Variants in ZNF680 observed in about 807,000 individuals in gnomAD.
ZNF680 encodes hypothetical protein FLJ90430.
A neutral mutation model predicts 12.1 loss-of-function variants in ZNF680; 6 were observed. The observed-to-expected ratio is 0.49, with a 90% CI of 0.27 to 0.98. The LOEUF (loss-of-function observed/expected upper bound fraction) is 0.98. Ranked by LOEUF, ZNF680 falls within the 50% of genes least tolerant of loss-of-function variation. The probability of loss-of-function intolerance (pLI) is 0.12; values close to 1 mark genes in which losing one functional copy is unlikely to be tolerated. For synonymous variants in ZNF680, 170 were observed against 199.3 expected, an observed-to-expected ratio of 0.85 and a Z score of 1.24; for missense variants, 561 against 616.3, an observed-to-expected ratio of 0.91 and a Z score of 0.95.
Position 64,521,387 on chromosome 7 carries a change from T to C in ZNF680, c.1367A>G (p.His456Arg). 6.2e-7 allele frequency: 1 copy of C among 1,613,720 alleles called. No homozygotes were observed. Among genetic ancestry groups the C allele is most frequent in the South Asian group, 1.1e-5 (1 of 91,050 alleles). Residue 456 changes from histidine to arginine, a missense_variant, in exon 4 of 4, where the codon CAT becomes CGT. Physicochemically the swap from His to Arg is conservative, Grantham distance 29. Coordinates refer to ENST00000309683, the MANE Select transcript of ZNF680 (RefSeq NM_178558.5). ...FSTLTNHKVI[H>R]TGEKSYKCDE... ...ACATTTGTAGGATTTCTCTCCAGTA[T>C]GAATTACTTTATGGTTAGTAAGGGT...
chr7:64,557,221 A>T (rs1787464014), intron 1 of ZNF680, among the ~76,000 whole-genome samples: 1 of 151,878 alleles, frequency 6.6e-6, no homozygotes, highest in Non-Finnish European at 1.5e-5. Context: ...ACTGCACTCC[A>T]GACTGGGCGA....
At position 64,544,204 on chromosome 7, in the gene ZNF680, GA is replaced by G. The variant is rs1209731665; in HGVS notation, c.157+101del. 2.0e-6 allele frequency: 3 copies of G among 1,469,162 alleles called. No individual in the cohort carries two copies. In the African/African-American group the frequency reaches 4.3e-5, roughly 21 times the overall value. The allele number at this position is 1,469,162 out of a possible 1,614,324, so 91.0% of individuals were successfully genotyped here. On this transcript the variant is annotated intron_variant, in intron 2 of 3. Transcript: ENST00000309683. ...AAGATTTTCTTGAAAACAGGGATCT[GA>G]AACTCATTTATGCAAAGCACAAATT...
intron 3 of ZNF680, among the ~76,000 whole-genome samples, chr7:64,533,670 T>C (rs1015719843): frequency 6.7e-6 from 1 of 148,642 alleles, no homozygotes; most frequent in Non-Finnish European, 1.5e-5. Context: ...AAACCAATTC[T>C]AAAATGTATA....
chr7:64,530,840 A>G (rs1785827367), intron 3 of ZNF680, among the ~76,000 whole-genome samples: 1 of 151,412 alleles, frequency 6.6e-6, no homozygotes, highest in South Asian at 2.1e-4. Flanking sequence ...CCTGGGCAAC[A>G]GAGCGAGACT....
the ZNF680 span, among the ~76,000 whole-genome samples, chr7:64,507,298 GA>G: frequency 6.6e-6 from 1 of 152,138 alleles, no homozygotes; most frequent in South Asian, 2.1e-4. Flanking sequence ...TGGTTGGAAG[GA>G]AATAGAGAGT....
intron 1 of ZNF680, among the ~76,000 whole-genome samples, chr7:64,560,190 T>C (rs1283760946): frequency 6.6e-6 from 1 of 151,182 alleles, no homozygotes; most frequent in African/African-American, 2.4e-5. Context: ...CTTGGCTCAC[T>C]GCAACCTCCA....
chr7:64,545,027 G>C (rs985485626), intron 1 of ZNF680, among the ~76,000 whole-genome samples: 7 of 152,066 alleles, frequency 4.6e-5, no homozygotes, highest in Non-Finnish European at 7.4e-5. Flanking sequence ...GGGAGGCCGA[G>C]GCAGGCGGAT....
chr7:64,522,608 A>T (rs571913262), intron 3 of ZNF680, 108 bp from the exon 4 acceptor site: 100 of 883,598 alleles, frequency 1.1e-4, no homozygotes, highest in Non-Finnish European at 1.5e-4. Context: ...AAATACAAAA[A>T]TAAATAACTA....
At chr7:64,552,732 T>A (rs913779123) in intron 1 of ZNF680, among the ~76,000 whole-genome samples, 2 of 152,336 alleles carry the variant, frequency 1.3e-5, no homozygotes, top group South Asian at 4.1e-4. Context: ...CACTTTATAT[T>A]TAAAAAGTAG....
the ZNF680 span, among the ~76,000 whole-genome samples, chr7:64,500,527 G>C: frequency 6.6e-6 from 1 of 152,156 alleles, no homozygotes; most frequent in African/African-American, 2.4e-5. Flanking sequence ...TGCTAAATAA[G>C]ACGGCACAGA....
intron 3 of ZNF680, among the ~76,000 whole-genome samples, chr7:64,535,711 A>T (rs1387709242): frequency 6.6e-6 from 1 of 152,076 alleles, no homozygotes; most frequent in Non-Finnish European, 1.5e-5. Context: ...TGGGAGTCCG[A>T]AGCAGGTGAA....
chr7:64,522,341 CCTT>C lies in ZNF680; in HGVS notation c.410_412del (p.Glu137del), dbSNP rs1206236493. The C allele has an allele frequency of 1.2e-6, 2 of 1,612,836 alleles. No homozygotes were observed. Among genetic ancestry groups the C allele is most frequent in the Non-Finnish European group, 8.5e-7 (1 of 1,179,438 alleles). On this transcript the variant is annotated inframe_deletion, in exon 4 of 4. Coordinates refer to ENST00000309683, the MANE Select transcript of ZNF680 (RefSeq NM_178558.5). The stretch of plus-strand genomic sequence containing the variant: ...CAAACATTGGTTAAGTTCATTATAA[CCTT>C]CTTTGAACACCTTAGACTCATCCAC...
chr7:64,506,098 G>C, the ZNF680 span, among the ~76,000 whole-genome samples: 1 of 151,930 alleles, frequency 6.6e-6, no homozygotes, highest in African/African-American at 2.4e-5. Flanking sequence ...AAGAGGAAAG[G>C]ATTACACAGC....
chr7:64,547,093 C>G (rs758330568), intron 1 of ZNF680, among the ~76,000 whole-genome samples: 1 of 152,102 alleles, frequency 6.6e-6, no homozygotes, highest in Non-Finnish European at 1.5e-5. Flanking sequence ...CTGATAACCA[C>G]TTAGCTAAGC....
At chr7:64,538,989 G>A (rs1006108130) in intron 3 of ZNF680, among the ~76,000 whole-genome samples, 2 of 151,888 alleles carry the variant, frequency 1.3e-5, no homozygotes, top group African/African-American at 4.8e-5. Flanking sequence ...AATTTAGCCA[G>A]GTGTGGTGGT....
chr7:64,521,753 A>T lies in ZNF680; in HGVS notation c.1001T>A (p.Phe334Tyr). ...CEECGKDFNQFSNLTKHKKIH... is the reference protein window; with the variant it reads ...CEECGKDFNQYSNLTKHKKIH... ...TTTCTTATGTTTAGTAAGGTTTGAA[A>T]ACTGGTTAAAGTCTTTGCCACATTC... Residue 334 changes from phenylalanine (F) to tyrosine (Y), a missense_variant, in exon 4 of 4, where the codon TTT becomes TAT. Transcript: ENST00000309683. 1 of 1,611,682 alleles carries T rather than the reference A, an allele frequency of 6.2e-7. No homozygotes were observed. Among genetic ancestry groups the T allele is most frequent in the Non-Finnish European group, 8.5e-7 (1 of 1,179,410 alleles).
intron 3 of ZNF680, among the ~76,000 whole-genome samples, chr7:64,533,600 A>G (rs533691598): frequency 6.6e-6 from 1 of 152,336 alleles, no homozygotes; most frequent in South Asian, 2.1e-4. Context: ...GCAAAAAGCA[A>G]TAAACAAACT....
chr7:64,531,596 C>CAAAAAA (rs34791051), intron 3 of ZNF680, among the ~76,000 whole-genome samples: 1 of 95,304 alleles, frequency 1.0e-5, no homozygotes, highest in African/African-American at 3.9e-5. Context: ...GACTCCGTCT[C>CAAAAAA]AAAAAAAAAA....
intron 3 of ZNF680, among the ~76,000 whole-genome samples, chr7:64,529,303 C>T (rs1785737337): frequency 6.6e-6 from 1 of 152,098 alleles, no homozygotes; most frequent in African/African-American, 2.4e-5. Context: ...TAAATCCAAA[C>T]CAAGAAGGAA....
Sources: gnomAD v4.1 joint callset for allele counts (sites outside exome capture counted in the v4.1 genomes callset) on GRCh38, gnomAD v4.1.1 for gene constraint, MANE v1.5 for transcripts, NCBI Gene and HGNC (gene_info 2026-07-23, HGNC 2026-07-21) for gene names.